CSMD1: variants seen among roughly 807,000 people sequenced by gnomAD.
CSMD1 encodes the protein CUB and sushi domain-containing protein 1.
A neutral mutation model predicts 417.5 loss-of-function variants in CSMD1; 213 were observed. The ratio of observed to expected loss-of-function variants is 0.51; its 90% CI spans 0.46 to 0.57. CSMD1 has a LOEUF of 0.57. CSMD1 is among the 20% of genes least tolerant of loss of function. CSMD1 has a pLI of 0.00. For missense variants in CSMD1, 6,923 were observed against 4,529.7 expected (o/e 1.53, Z -15.17); for synonymous variants, 2,862 against 1,736.8 (o/e 1.65, Z -16.11).
intron 5 of CSMD1, among the ~76,000 whole-genome samples, chr8:3,878,531 G>T (rs984537238): frequency 2.0e-5 from 3 of 151,982 alleles, no homozygotes; most frequent in Non-Finnish European, 4.4e-5. Context: ...TTTAAAAAAT[G>T]AAAAAGGAAA....
At chr8:3,654,432 C>T (rs1361431293) in intron 7 of CSMD1, among the ~76,000 whole-genome samples, 1 of 152,058 alleles carries the variant, frequency 6.6e-6, no homozygotes, top group Non-Finnish European at 1.5e-5. Flanking sequence ...CATGCCTGTG[C>T]ACATAGGGAA....
intron 3 of CSMD1, among the ~76,000 whole-genome samples, chr8:4,265,259 G>A (rs1441125609): frequency 3.3e-5 from 5 of 151,892 alleles, no homozygotes; most frequent in Non-Finnish European, 5.9e-5. Context: ...TATATTTTAT[G>A]GAATAGCAAA....
At chr8:4,880,753 C>A (rs1803344041) in intron 1 of CSMD1, among the ~76,000 whole-genome samples, 1 of 152,044 alleles carries the variant, frequency 6.6e-6, no homozygotes, top group Non-Finnish European at 1.5e-5. Context: ...TTGGAACAAT[C>A]TTTTGCCTTC....
chr8:4,810,441 C>G (rs1281005067), intron 1 of CSMD1, among the ~76,000 whole-genome samples: 1 of 152,124 alleles, frequency 6.6e-6, no homozygotes, highest in Non-Finnish European at 1.5e-5. Flanking sequence ...TAAACAAGGC[C>G]TTTTCTTGCT....
chr8:3,483,706 A>T (rs968388684), intron 11 of CSMD1, among the ~76,000 whole-genome samples: 6 of 152,166 alleles, frequency 3.9e-5, no homozygotes, highest in African/African-American at 1.4e-4. Context: ...CTATAGACCG[A>T]TATCTTTTAT....
chr8:3,161,119 C>G (rs1304147606), intron 38 of CSMD1, among the ~76,000 whole-genome samples: 2 of 152,114 alleles, frequency 1.3e-5, no homozygotes, highest in Non-Finnish European at 2.9e-5. Context: ...TATATTTCTC[C>G]TGACTTTAGA....
At chr8:4,520,093 G>C (rs1240838174) in intron 2 of CSMD1, among the ~76,000 whole-genome samples, 1 of 152,072 alleles carries the variant, frequency 6.6e-6, no homozygotes, top group Non-Finnish European at 1.5e-5. Flanking sequence ...ATTGCATTTA[G>C]TCATGATGTT....
chr8:4,060,511 A>G (rs1798916548), intron 3 of CSMD1, among the ~76,000 whole-genome samples: 1 of 152,166 alleles, frequency 6.6e-6, no homozygotes, highest in Non-Finnish European at 1.5e-5. Context: ...AGAATAGAAA[A>G]ACAAAGGGGA....
rs1801121549 is a variant in CSMD1 at position 3,262,187 on chromosome 8, ATATATATATATATATATATAT to A, written c.4153+21936_4153+21956del. 1.1e-3 allele frequency among the ~76,000 whole-genome samples: 53 copies of A among 46,796 alleles called. 3 individuals are homozygous for A. Among genetic ancestry groups the A allele is most frequent in the African/African-American group, 1.9e-3 (21 of 10,820 alleles). The allele number at this position is 46,796 out of a possible 152,430, so 30.7% of individuals were successfully genotyped here. On this transcript the variant is annotated intron_variant, in intron 26 of 69. Coordinates refer to ENST00000635120, the MANE Select transcript of CSMD1 (RefSeq NM_033225.6). ...TTTCTAAAATTATGCTCATATGAAT[ATATATATATATATATATATAT>A]ATATATATATATATATATATATACA...
chr8:3,140,869 A>T (rs982671161), intron 41 of CSMD1, among the ~76,000 whole-genome samples: 1 of 152,340 alleles, frequency 6.6e-6, no homozygotes, highest in African/African-American at 2.4e-5. Context: ...TGATGATGCA[A>T]ACTTTTCTTA....
intron 3 of CSMD1, among the ~76,000 whole-genome samples, chr8:4,108,384 C>G (rs1048981429): frequency 6.6e-6 from 1 of 152,170 alleles, no homozygotes; most frequent in Non-Finnish European, 1.5e-5. Context: ...GTATCAAGAA[C>G]TACTCTCGAC....
At chr8:3,421,655 T>G (rs774840642) in intron 12 of CSMD1, among the ~76,000 whole-genome samples, 7 of 152,176 alleles carry the variant, frequency 4.6e-5, no homozygotes, top group Non-Finnish European at 1.0e-4. Flanking sequence ...TTCTTTTTTT[T>G]GAGACAGTGT....
At chr8:4,589,907 T>A (rs991703539) in intron 2 of CSMD1, among the ~76,000 whole-genome samples, 1 of 152,172 alleles carries the variant, frequency 6.6e-6, no homozygotes, top group African/African-American at 2.4e-5. Flanking sequence ...TCTGACACCA[T>A]AGAATATGTG....
In CSMD1 at chr8:4,375,013, G is replaced by C. The variant is rs564541616; in HGVS notation, c.415+44940C>G. ...CGGGCAAGGAGCAATAGTGGGGACA[G>C]GGCAGGGAGCTAGAGCAATTTGTGA... On this transcript the variant is annotated intron_variant, in intron 3 of 69. Transcript: ENST00000635120. 4.0e-5 allele frequency among the ~76,000 whole-genome samples: 6 copies of C among 150,742 alleles called. No homozygotes were observed. The South Asian group carries it at 6.4e-4, about 16-fold the overall frequency.
At chr8:3,499,832 G>A (rs143128104) in intron 10 of CSMD1, among the ~76,000 whole-genome samples, 1 of 152,082 alleles carries the variant, frequency 6.6e-6, no homozygotes, top group East Asian at 1.9e-4. Context: ...GGCCCTGTGG[G>A]CAGGATGTAC....
intron 2 of CSMD1, among the ~76,000 whole-genome samples, chr8:4,532,428 A>G (rs549166720): frequency 7.0e-6 from 1 of 142,082 alleles, no homozygotes; most frequent in South Asian, 2.4e-4. Flanking sequence ...TAAATCCTGC[A>G]CCTTCATTCA....
chr8:3,208,116 C>T (rs550923229), intron 30 of CSMD1, among the ~76,000 whole-genome samples: 2 of 152,066 alleles, frequency 1.3e-5, no homozygotes, highest in Non-Finnish European at 2.9e-5. Flanking sequence ...ATTTTATTTG[C>T]GCTCAGTCAC....
chr8:4,821,369 A>G (rs972899563), intron 1 of CSMD1, among the ~76,000 whole-genome samples: 2 of 152,134 alleles, frequency 1.3e-5, no homozygotes, highest in African/African-American at 4.8e-5. Context: ...AGCTCCAAAG[A>G]GGTGCGTTTA....
intron 25 of CSMD1, among the ~76,000 whole-genome samples, chr8:3,302,492 A>G (rs913155757): frequency 6.6e-6 from 1 of 152,090 alleles, no homozygotes; most frequent in African/African-American, 2.4e-5. Context: ...ACTTCCCATG[A>G]TATCACTTCT....
Sources: gnomAD v4.1 joint callset for allele counts (sites outside exome capture counted in the v4.1 genomes callset) on GRCh38, gnomAD v4.1.1 for gene constraint, MANE v1.5 for transcripts, NCBI Gene and HGNC (gene_info 2026-07-23, HGNC 2026-07-21) for gene names.